Variants in CNTNAP5 observed in about 807,000 individuals in gnomAD.
CNTNAP5 encodes contactin associated protein family member 5.
In CNTNAP5, 72 loss-of-function variants were observed where a neutral mutation model predicts 150.2. The observed-to-expected ratio is 0.48, with a 90% CI of 0.40 to 0.58. CNTNAP5 has a LOEUF of 0.58. CNTNAP5 is among the 20% of genes least tolerant of loss of function. CNTNAP5 has a pLI of 0.00. For synonymous variants in CNTNAP5, 672 were observed against 619.8 expected (o/e 1.08, Z -1.25); for missense variants, 1,636 against 1,626.2 (o/e 1.01, Z -0.10).
intron 1 of CNTNAP5, among the ~76,000 whole-genome samples, chr2:124,190,052 C>T (rs1238660429): frequency 6.6e-6 from 1 of 152,184 alleles, no homozygotes; most frequent in Non-Finnish European, 1.5e-5. Flanking sequence ...ATTGAGTTTT[C>T]TCTCCAAAGA....
chr2:124,656,457 T>C (rs1678459893), intron 13 of CNTNAP5, among the ~76,000 whole-genome samples: 1 of 152,222 alleles, frequency 6.6e-6, no homozygotes. Context: ...CAGTGCAATT[T>C]ACAGTGCATG....
At chr2:124,437,331 G>A (rs1167696553) in intron 5 of CNTNAP5, among the ~76,000 whole-genome samples, 2 of 152,098 alleles carry the variant, frequency 1.3e-5, no homozygotes, top group Non-Finnish European at 2.9e-5. Context: ...AATATTCACA[G>A]TGTGGTAATG....
chr2:124,510,663 G>A (rs1196702507), intron 8 of CNTNAP5, among the ~76,000 whole-genome samples: 1 of 151,708 alleles, frequency 6.6e-6, no homozygotes, highest in African/African-American at 2.4e-5. Context: ...AGTGACATGA[G>A]GTCTACTTCA....
chr2:124,587,824 T>A (rs1696571091), intron 11 of CNTNAP5, among the ~76,000 whole-genome samples: 1 of 152,132 alleles, frequency 6.6e-6, no homozygotes, highest in Non-Finnish European at 1.5e-5. Context: ...TGGGAAACAT[T>A]CTTAACTTAC....
intron 11 of CNTNAP5, among the ~76,000 whole-genome samples, chr2:124,571,527 C>CTTTTTCTTTTTCTCTTTTTTTTCTT: frequency 2.1e-5 from 1 of 46,848 alleles, no homozygotes; most frequent in Non-Finnish European, 3.6e-5. Flanking sequence ...TTTCTTTTTT[C>CTTTTTCTTTTTCTCTTTTTTTTCTT]TTTTTTTTTT....
chr2:124,639,316 G>C (rs1399153686), intron 12 of CNTNAP5, among the ~76,000 whole-genome samples: 1 of 152,198 alleles, frequency 6.6e-6, no homozygotes, highest in Non-Finnish European at 1.5e-5. Context: ...TTCATCTTGT[G>C]ATGAGCTCCA....
intron 3 of CNTNAP5, among the ~76,000 whole-genome samples, chr2:124,337,964 C>T (rs1689518935): frequency 6.6e-6 from 1 of 152,140 alleles, no homozygotes; most frequent in African/African-American, 2.4e-5. Context: ...GGCAGTGTGG[C>T]CATTTTCATG....
At chr2:124,865,507 A>G in intron 20 of CNTNAP5, 71 bp downstream of exon 20, 1 of 1,424,864 alleles carries the variant, frequency 7.0e-7, no homozygotes, top group Non-Finnish European at 9.6e-7. Flanking sequence ...CTAAGCTTCT[A>G]CCCCATGCCA....
intron 12 of CNTNAP5, among the ~76,000 whole-genome samples, chr2:124,640,856 G>C (rs1424536407): frequency 6.6e-6 from 1 of 152,052 alleles, no homozygotes; most frequent in Non-Finnish European, 1.5e-5. Context: ...GCTGGGCCCG[G>C]TGGCTCACGC....
chr2:124,102,044 A>G (rs768115079), intron 1 of CNTNAP5, among the ~76,000 whole-genome samples: 7 of 152,114 alleles, frequency 4.6e-5, no homozygotes, highest in Non-Finnish European at 7.4e-5. Flanking sequence ...TCTTCTAGGA[A>G]CCATTGCAGA....
intron 1 of CNTNAP5, among the ~76,000 whole-genome samples, chr2:124,157,180 ACCG>A (rs1684566857): frequency 4.2e-5 from 3 of 71,106 alleles, no homozygotes; most frequent in Non-Finnish European, 7.4e-5. Context: ...TGCAGGTTGC[ACCG>A]TGAGTCTGGT....
chr2:124,858,819 G>A (rs1164501896), intron 19 of CNTNAP5, among the ~76,000 whole-genome samples: 1 of 152,006 alleles, frequency 6.6e-6, no homozygotes, highest in Non-Finnish European at 1.5e-5. Context: ...GCCAAAATTA[G>A]TAGAAGAAAA....
chr2:124,184,706 A>G (rs576020752), intron 1 of CNTNAP5, among the ~76,000 whole-genome samples: 270 of 152,302 alleles, frequency 1.8e-3, no homozygotes, highest in Admixed American at 5.6e-3. Flanking sequence ...CAGGATGTGG[A>G]CAACTTTGTT....
intron 3 of CNTNAP5, among the ~76,000 whole-genome samples, chr2:124,256,609 C>T (rs533767680): frequency 2.2e-4 from 33 of 152,050 alleles, no homozygotes; most frequent in African/African-American, 7.2e-4. Context: ...CTGCCTCTGT[C>T]GATTTTTATT....
At chr2:124,300,289 C>T (rs1436613273) in intron 3 of CNTNAP5, among the ~76,000 whole-genome samples, 1 of 152,170 alleles carries the variant, frequency 6.6e-6, no homozygotes, top group Non-Finnish European at 1.5e-5. Flanking sequence ...CAAACACTAT[C>T]ACTGAACCCA....
intron 13 of CNTNAP5, among the ~76,000 whole-genome samples, chr2:124,713,245 CTT>C (rs1202688214): frequency 8.9e-5 from 4 of 45,070 alleles, no homozygotes; most frequent in Non-Finnish European, 1.5e-4. Context: ...CTTTCTTTCT[CTT>C]TCTTTCTTTC....
chr2:124,309,833 C>T (rs775967375), intron 3 of CNTNAP5, among the ~76,000 whole-genome samples: 5 of 152,174 alleles, frequency 3.3e-5, no homozygotes, highest in Non-Finnish European at 5.9e-5. Flanking sequence ...AACAAAATAT[C>T]GTCTCCACAA....
chr2:124,322,620 A>G (rs568186354), intron 3 of CNTNAP5, among the ~76,000 whole-genome samples: 1 of 152,344 alleles, frequency 6.6e-6, no homozygotes, highest in African/African-American at 2.4e-5. Flanking sequence ...TGTGCAAAGT[A>G]ATTATTTAGT....
chr2:124,433,037 A>G (rs1692430656), intron 4 of CNTNAP5, among the ~76,000 whole-genome samples: 1 of 152,222 alleles, frequency 6.6e-6, no homozygotes, highest in South Asian at 2.1e-4. Flanking sequence ...TCTTCATCCT[A>G]TAAATAATAC....
Sources: gnomAD v4.1 joint callset for allele counts (sites outside exome capture counted in the v4.1 genomes callset) on GRCh38, gnomAD v4.1.1 for gene constraint, MANE v1.5 for transcripts, NCBI Gene and HGNC (gene_info 2026-07-23, HGNC 2026-07-21) for gene names.